The following AAK1 variants were observed in gnomAD, a reference collection of about 807,000 sequenced individuals.
AAK1 encodes AP2 associated kinase 1.
A neutral mutation model predicts 116.0 loss-of-function variants in AAK1; 37 were observed. The observed-to-expected ratio is 0.32, with a 90% CI of 0.25 to 0.42. AAK1 has a LOEUF of 0.42. Ranked by LOEUF, AAK1 falls within the 10% of genes least tolerant of loss-of-function variation. The pLI, the probability that AAK1 is intolerant of heterozygous loss-of-function variation, is 1.00. For missense variants in AAK1, 919 were observed against 1,170.6 expected (o/e 0.79, Z 3.14); for synonymous variants, 458 against 439.9 (o/e 1.04, Z -0.51).
chr2:69,465,602 G>A lies in AAK1; in HGVS notation c.*10267C>T, dbSNP rs200551979. 40 of 1,290,864 alleles carry A rather than the reference G, an allele frequency of 3.1e-5. No homozygotes were observed. In the Middle Eastern group the frequency reaches 8.5e-4, roughly 27 times the overall value. The allele number at this position is 1,290,864 out of a possible 1,614,324, so 80.0% of individuals were successfully genotyped here. On this transcript the variant is annotated 3_prime_UTR_variant, in exon 22 of 22. Transcript: ENST00000409085. ...TGGGCTGGGCTTCTGGACTTGGCTC[G>A]TCTTCTGGGCTATAGTGACGGGAAT...
At chr2:69,604,037 C>T (rs1280126263) in intron 2 of AAK1, among the ~76,000 whole-genome samples, 1 of 152,220 alleles carries the variant, frequency 6.6e-6, no homozygotes, top group East Asian at 1.9e-4. Flanking sequence ...AAAGATCCTT[C>T]TGAAACTCGG....
At chr2:69,603,961 A>G (rs1673689223) in intron 2 of AAK1, among the ~76,000 whole-genome samples, 1 of 152,208 alleles carries the variant, frequency 6.6e-6, no homozygotes. Context: ...TCCGATAATA[A>G]GAGATATAGA....
intron 2 of AAK1, among the ~76,000 whole-genome samples, chr2:69,572,034 A>G (rs1433017325): frequency 6.6e-6 from 1 of 152,172 alleles, no homozygotes; most frequent in Non-Finnish European, 1.5e-5. Flanking sequence ...CCACAGACAA[A>G]CCTGGCAAGG....
At chr2:69,541,493 A>T (rs1670721257) in intron 5 of AAK1, among the ~76,000 whole-genome samples, 1 of 152,164 alleles carries the variant, frequency 6.6e-6, no homozygotes, top group South Asian at 2.1e-4. Context: ...TGGCCTCCTG[A>T]AGTGCTGGGA....
chr2:69,583,800 T>C (rs765739036), intron 2 of AAK1, among the ~76,000 whole-genome samples: 2 of 152,200 alleles, frequency 1.3e-5, no homozygotes, highest in African/African-American at 2.4e-5. Context: ...GTTTCTATTC[T>C]AAGTTGACTT....
intron 9 of AAK1, among the ~76,000 whole-genome samples, chr2:69,526,552 T>G (rs1215833542): frequency 6.6e-6 from 1 of 152,096 alleles, no homozygotes; most frequent in Non-Finnish European, 1.5e-5. Flanking sequence ...AGGTGATCCA[T>G]CCTCCTCGGC....
At chr2:69,529,025 T>A (rs1670135311) in intron 8 of AAK1, among the ~76,000 whole-genome samples, 1 of 152,208 alleles carries the variant, frequency 6.6e-6, no homozygotes, top group African/African-American at 2.4e-5. Context: ...AGAGGCTGAT[T>A]GACAAAACTG....
At chr2:69,572,188 C>T (rs1312761979) in intron 2 of AAK1, among the ~76,000 whole-genome samples, 3 of 152,118 alleles carry the variant, frequency 2.0e-5, no homozygotes, top group African/African-American at 4.8e-5. Context: ...AGGCACTTGC[C>T]CTGAGCACAA....
At chr2:69,559,636 T>C (rs1671547021) in intron 2 of AAK1, among the ~76,000 whole-genome samples, 3 of 152,218 alleles carry the variant, frequency 2.0e-5, no homozygotes, top group Non-Finnish European at 4.4e-5. Context: ...GTCCAAGTGT[T>C]TTGCTTTATG....
chr2:69,578,191 G>A (rs1020394321), intron 2 of AAK1, among the ~76,000 whole-genome samples: 5 of 152,194 alleles, frequency 3.3e-5, no homozygotes, highest in Admixed American at 2.6e-4. Flanking sequence ...TCCCGATAGG[G>A]TTACATTAGT....
chr2:69,610,045 T>C (rs6546536), intron 2 of AAK1, among the ~76,000 whole-genome samples: 52,846 of 134,548 alleles, frequency 0.39, 11,741 homozygotes, highest in East Asian at 0.7. Context: ...AGTGAGACTC[T>C]GTCTCAAAAA....
chr2:69,469,950 G>T lies in AAK1; in HGVS notation c.*5919C>A, dbSNP rs1572870587. The stretch of plus-strand genomic sequence containing the variant: ...AAGAGAAGGAGTTCCTAAAATACCT[G>T]ACAACTTGGCAACTATCCTCACCAG... On this transcript the variant is annotated 3_prime_UTR_variant, in exon 22 of 22. Transcript: ENST00000409085. 6 of 985,340 alleles carry T rather than the reference G, an allele frequency of 6.1e-6. No individual in the cohort carries two copies. The East Asian group carries it at 5.7e-4, about 93-fold the overall frequency. 61.0% of individuals were successfully genotyped at this position (985,340 alleles called of 1,614,324 possible).
At chr2:69,563,657 T>C (rs1040571017) in intron 2 of AAK1, among the ~76,000 whole-genome samples, 2 of 152,234 alleles carry the variant, frequency 1.3e-5, no homozygotes, top group African/African-American at 2.4e-5. Context: ...AGGCCCATTT[T>C]CTGCTCTTCG....
At position 69,520,883 on chromosome 2, in the gene AAK1, C is replaced by T. The variant is rs746370045; in HGVS notation, c.1161G>A (p.Ala387=). The change falls in exon 11 of 22, where the codon GCG becomes GCA. Residue 387 remains alanine, a synonymous_variant. Coordinates refer to ENST00000409085, the MANE Select transcript of AAK1 (RefSeq NM_014911.5). ...PNPGILPIQP[A]LTPRKRATVQ... is the part of the protein sequence containing the mutation. The stretch of plus-strand genomic sequence containing the variant: ...CAGTGGCCCTCTTCCGGGGTGTCAG[C>T]GCTGGCTGGATGGGAAGGATTCCTG... 23 of 1,601,870 alleles carry T rather than the reference C, an allele frequency of 1.4e-5. No individual in the cohort carries two copies. Among genetic ancestry groups the T allele is most frequent in the South Asian group, 9.0e-5 (8 of 89,172 alleles).
At chr2:69,584,858 A>G (rs6728247) in intron 2 of AAK1, among the ~76,000 whole-genome samples, 80,907 of 152,002 alleles carry the variant, frequency 0.53, 23,778 homozygotes, top group East Asian at 0.78. Flanking sequence ...CCAGTGCAGC[A>G]TCCCCACTCT....
chr2:69,618,105 T>C (rs761801784), intron 2 of AAK1, among the ~76,000 whole-genome samples: 8 of 151,952 alleles, frequency 5.3e-5, no homozygotes, highest in Non-Finnish European at 8.8e-5. Context: ...AGCAATAAAA[T>C]ACAAAAAGCA....
chr2:69,476,796 T>C, intron 21 of AAK1, 84 bp downstream of exon 21: 1 of 899,148 alleles, frequency 1.1e-6, no homozygotes, highest in Middle Eastern at 2.2e-4. Flanking sequence ...TTGATGCTTT[T>C]CTTCCCCCTT....
intron 16 of AAK1, among the ~76,000 whole-genome samples, chr2:69,505,033 CAA>C (rs1347390583): frequency 1.3e-5 from 2 of 152,014 alleles, no homozygotes; most frequent in Non-Finnish European, 2.9e-5. Context: ...ATACTTTTAA[CAA>C]AGTCTCATTT....
intron 2 of AAK1, among the ~76,000 whole-genome samples, chr2:69,600,623 G>GA (rs769102181): frequency 2.0e-5 from 3 of 152,316 alleles, no homozygotes; most frequent in South Asian, 4.1e-4. Flanking sequence ...TTCTTGAGAT[G>GA]AATCTCCTCC....
Sources: gnomAD v4.1 joint callset for allele counts (sites outside exome capture counted in the v4.1 genomes callset) on GRCh38, gnomAD v4.1.1 for gene constraint, MANE v1.5 for transcripts, NCBI Gene and HGNC (gene_info 2026-07-23, HGNC 2026-07-21) for gene names.